Variants in MAP4K3 observed in about 807,000 individuals in gnomAD.
MAP4K3 encodes MAPK/ERK kinase kinase kinase 3.
In MAP4K3, 94 loss-of-function variants were observed where a neutral mutation model predicts 143.5. The ratio of observed to expected loss-of-function variants is 0.65; its 90% CI spans 0.55 to 0.78. The LOEUF (loss-of-function observed/expected upper bound fraction) is 0.78. Ranked by LOEUF, MAP4K3 falls within the 30% of genes least tolerant of loss-of-function variation. The pLI is 0.00. For missense variants in MAP4K3, 1,077 were observed against 1,068.1 expected, an observed-to-expected ratio of 1.01 and a Z score of -0.12; for synonymous variants, 416 against 347.2, an observed-to-expected ratio of 1.20 and a Z score of -2.20.
chr2:39,357,996 T>C (rs1032472523), intron 2 of MAP4K3, among the ~76,000 whole-genome samples: 13 of 152,168 alleles, frequency 8.5e-5, no homozygotes, highest in African/African-American at 3.1e-4. Context: ...TGATACAACC[T>C]CAAAGGGAGT....
At chr2:39,343,776 G>A (rs1371492313) in intron 3 of MAP4K3, among the ~76,000 whole-genome samples, 1 of 152,016 alleles carries the variant, frequency 6.6e-6, no homozygotes, top group Non-Finnish European at 1.5e-5. Context: ...ATTCTTCACA[G>A]ACAAATGGCA....
intron 1 of MAP4K3, among the ~76,000 whole-genome samples, chr2:39,423,000 C>T (rs1479811034): frequency 6.6e-6 from 1 of 151,966 alleles, no homozygotes; most frequent in East Asian, 1.9e-4. Flanking sequence ...AAGCCACACA[C>T]TGGGAAAAAA....
At chr2:39,401,026 A>T (rs1415000262) in intron 1 of MAP4K3, among the ~76,000 whole-genome samples, 1 of 152,176 alleles carries the variant, frequency 6.6e-6, no homozygotes, top group East Asian at 1.9e-4. Flanking sequence ...AAAATCCTAC[A>T]GAGTTTTACA....
intron 29 of MAP4K3, among the ~76,000 whole-genome samples, chr2:39,259,389 T>A (rs1680472997): frequency 6.6e-6 from 1 of 152,264 alleles, no homozygotes; most frequent in African/African-American, 2.4e-5. Context: ...GTCTGGTAAT[T>A]GCTGCTACAT....
Position 39,378,136 on chromosome 2 carries a change from G to C in MAP4K3, c.97-13C>G. The C allele has an allele frequency of 2.6e-6, 4 of 1,513,746 alleles. No individual in the cohort carries two copies. Among genetic ancestry groups the C allele is most frequent in the African/African-American group, 1.4e-5 (1 of 71,156 alleles). 93.8% of individuals were successfully genotyped at this position (1,513,746 alleles called of 1,614,324 possible). The stretch of plus-strand genomic sequence containing the variant: ...TAACATTCCGTGCCTAAAAGAAAGA[G>C]GAAAAAAGGATTATTGTGAAGAAAG... On this transcript the variant is annotated splice_polypyrimidine_tract_variant and intron_variant, in intron 1 of 33. Transcript: ENST00000263881.
At chr2:39,373,193 A>G (rs1666127989) in intron 2 of MAP4K3, among the ~76,000 whole-genome samples, 1 of 152,224 alleles carries the variant, frequency 6.6e-6, no homozygotes, top group African/African-American at 2.4e-5. Context: ...AAGGTGCTCA[A>G]CATCACTGAT....
At chr2:39,342,378 C>A (rs1334813839) in intron 4 of MAP4K3, among the ~76,000 whole-genome samples, 1 of 152,116 alleles carries the variant, frequency 6.6e-6, no homozygotes, top group Non-Finnish European at 1.5e-5. Flanking sequence ...GATCTGCCCG[C>A]CTCAGCCTCC....
chr2:39,406,041 C>G (rs532400273), intron 1 of MAP4K3, among the ~76,000 whole-genome samples: 1 of 151,904 alleles, frequency 6.6e-6, no homozygotes, highest in Non-Finnish European at 1.5e-5. Flanking sequence ...AACAAAGACA[C>G]TGAAATAATT....
chr2:39,431,147 TAAGTA>T (rs1665272060), intron 1 of MAP4K3, among the ~76,000 whole-genome samples: 1 of 152,212 alleles, frequency 6.6e-6, no homozygotes, highest in Non-Finnish European at 1.5e-5. Flanking sequence ...AATTAAAAAT[TAAGTA>T]AAGAGTCCAA....
At chr2:39,284,837 C>T (rs1282526336) in intron 21 of MAP4K3, among the ~76,000 whole-genome samples, 1 of 151,352 alleles carries the variant, frequency 6.6e-6, no homozygotes, top group Non-Finnish European at 1.5e-5. Flanking sequence ...GAGCGAGACT[C>T]CATCTCAAAA....
At chr2:39,345,516 C>T (rs1665262401) in intron 3 of MAP4K3, among the ~76,000 whole-genome samples, 1 of 152,080 alleles carries the variant, frequency 6.6e-6, no homozygotes, top group Admixed American at 6.5e-5. Context: ...GCTGACTTGA[C>T]CGTAGTGGAC....
chr2:39,304,597 T>G (rs1014077750), intron 15 of MAP4K3, among the ~76,000 whole-genome samples: 3 of 152,188 alleles, frequency 2.0e-5, no homozygotes, highest in Non-Finnish European at 4.4e-5. Flanking sequence ...GTGGAGAAAG[T>G]AGAAGTCATG....
At chr2:39,355,546 A>C (rs1312059405) in intron 3 of MAP4K3, among the ~76,000 whole-genome samples, 1 of 151,864 alleles carries the variant, frequency 6.6e-6, no homozygotes, top group Non-Finnish European at 1.5e-5. Context: ...CCACAAAAGA[A>C]AGAAAGGAAA....
chr2:39,285,425 T>C (rs972762385), intron 21 of MAP4K3, among the ~76,000 whole-genome samples: 1 of 152,252 alleles, frequency 6.6e-6, no homozygotes, highest in Non-Finnish European at 1.5e-5. Context: ...TATTTTATAC[T>C]GTGTTACAGT....
chr2:39,382,338 C>A (rs947890855), intron 1 of MAP4K3, among the ~76,000 whole-genome samples: 7 of 152,152 alleles, frequency 4.6e-5, no homozygotes, highest in African/African-American at 1.7e-4. Flanking sequence ...ATGTATTGAG[C>A]CCCTTGGAGT....
At chr2:39,368,596 G>A (rs979806055) in intron 2 of MAP4K3, among the ~76,000 whole-genome samples, 2 of 152,034 alleles carry the variant, frequency 1.3e-5, no homozygotes, top group Non-Finnish European at 2.9e-5. Context: ...CTTGAGCCCA[G>A]GAGTTGGGGC....
At chr2:39,426,466 T>A (rs1391067374) in intron 1 of MAP4K3, among the ~76,000 whole-genome samples, 2 of 152,082 alleles carry the variant, frequency 1.3e-5, no homozygotes, top group Non-Finnish European at 2.9e-5. Context: ...CTGATTTTGA[T>A]AATTTATTGC....
intron 4 of MAP4K3, among the ~76,000 whole-genome samples, chr2:39,342,585 T>A (rs553100744): frequency 6.6e-6 from 1 of 152,304 alleles, no homozygotes; most frequent in East Asian, 1.9e-4. Context: ...ATTATGTCAA[T>A]CTTTATGTTA....
chr2:39,269,134 A>C (rs995097397), intron 26 of MAP4K3, among the ~76,000 whole-genome samples: 1 of 151,860 alleles, frequency 6.6e-6, no homozygotes, highest in African/African-American at 2.4e-5. Context: ...TTAGAGTTGT[A>C]CAATTTTATA....
Sources: allele counts gnomAD v4.1 joint callset (sites outside exome capture counted in the v4.1 genomes callset), GRCh38; gene constraint gnomAD v4.1.1; transcripts MANE v1.5; gene names NCBI Gene and HGNC (gene_info 2026-07-23, HGNC 2026-07-21).